The following FBXO15 variants were observed in gnomAD, a reference collection of about 807,000 sequenced individuals.
FBXO15 encodes the protein F-box protein 15, also known as F-box only protein 15.
FBXO15 carries 30 observed loss-of-function variants against 49.5 expected under a neutral mutation model. The ratio of observed to expected loss-of-function variants is 0.61; its 90% CI spans 0.45 to 0.82. FBXO15 has a LOEUF of 0.82. Ranked by LOEUF, FBXO15 falls within the 40% of genes least tolerant of loss-of-function variation. FBXO15 has a pLI of 0.00. For missense variants in FBXO15, 591 were observed against 631.5 expected, an observed-to-expected ratio of 0.94 and a Z score of 0.69; for synonymous variants, 250 against 232.7, an observed-to-expected ratio of 1.07 and a Z score of -0.68.
chr18:74,119,252 C>G (rs1207727759), intron 8 of FBXO15, among the ~76,000 whole-genome samples: 2 of 152,216 alleles, frequency 1.3e-5, no homozygotes, highest in African/African-American at 4.8e-5. Context: ...GGCTGAGAAT[C>G]CTTTAGCTAA....
intron 8 of FBXO15, among the ~76,000 whole-genome samples, chr18:74,102,698 C>A (rs909754978): frequency 4.7e-4 from 71 of 152,124 alleles, no homozygotes; most frequent in Non-Finnish European, 1.3e-4. Flanking sequence ...AAATGTGGAA[C>A]CCACACAAAT....
At position 74,130,792 on chromosome 18, in the gene FBXO15, A is replaced by T. The variant is rs1024658063; in HGVS notation, c.333-134T>A. ...AGCCAAGCTGAATATTTACAGTTGA[A>T]CGTTCATCTGTTAAAGTGAATTGCA... On this transcript the variant is annotated intron_variant, in intron 3 of 9. Transcript: ENST00000419743. 5 of 965,980 alleles carry T rather than the reference A, an allele frequency of 5.2e-6. No homozygotes were observed. The East Asian group carries it at 1.1e-4, about 21-fold the overall frequency. 59.8% of individuals were successfully genotyped at this position (965,980 alleles called of 1,614,324 possible).
chr18:74,105,881 A>C (rs898934383), intron 8 of FBXO15, among the ~76,000 whole-genome samples: 2 of 152,244 alleles, frequency 1.3e-5, no homozygotes, highest in Non-Finnish European at 2.9e-5. Flanking sequence ...ATACAGATTT[A>C]ATATGAATCT....
At chr18:74,084,006 C>G (rs935200449) in intron 8 of FBXO15, among the ~76,000 whole-genome samples, 1 of 152,200 alleles carries the variant, frequency 6.6e-6, no homozygotes, top group African/African-American at 2.4e-5. Flanking sequence ...CAGTAACTCG[C>G]CCAAGGTCAG....
intron 8 of FBXO15, among the ~76,000 whole-genome samples, chr18:74,096,381 T>C (rs902753790): frequency 6.6e-6 from 1 of 151,848 alleles, no homozygotes; most frequent in Non-Finnish European, 1.5e-5. Flanking sequence ...CAGGATATAC[T>C]CTTTGGGGCC....
At chr18:74,120,603 T>C (rs1009761693) in intron 8 of FBXO15, among the ~76,000 whole-genome samples, 20 of 152,274 alleles carry the variant, frequency 1.3e-4, no homozygotes, top group African/African-American at 4.8e-4. Context: ...AAAAGGAAAT[T>C]AGAAAGTATT....
rs111228453 is a variant in FBXO15, at chr18:74,074,264, C to T, written c.1264-534G>A. ...CTGACATGTGCCAGCCTCCTGTCCA[C>T]CCACTCTCATTTCCAGGACTCTGGC... On this transcript the variant is annotated intron_variant, in intron 9 of 9. Coordinates refer to ENST00000419743, the MANE Select transcript of FBXO15 (RefSeq NM_001142958.2). This position sits in a 1 kb window ranked among gnomAD's most constrained non-coding sequence, Gnocchi z 4.7. Among the ~76,000 whole-genome samples, 3,299 of 152,300 alleles carry T rather than the reference C, an allele frequency of 0.022. 48 individuals are homozygous for T. Among genetic ancestry groups the T allele is most frequent in the Non-Finnish European group, 0.034 (2,288 of 68,012 alleles).
At chr18:74,132,688 G>T (rs905274357) in intron 3 of FBXO15, among the ~76,000 whole-genome samples, 1 of 152,146 alleles carries the variant, frequency 6.6e-6, no homozygotes, top group African/African-American at 2.4e-5. Flanking sequence ...CTGTTAGAAG[G>T]CCTAGTCAGA....
intron 8 of FBXO15, among the ~76,000 whole-genome samples, chr18:74,092,551 G>A (rs1260580394): frequency 6.6e-6 from 1 of 152,038 alleles, no homozygotes; most frequent in Non-Finnish European, 1.5e-5. Flanking sequence ...ATAGCTGTAT[G>A]TTTTTGCTTT....
intron 9 of FBXO15, chr18:74,076,249 A>G (rs1487195925): frequency 6.6e-6 from 1 of 152,228 alleles, no homozygotes; most frequent in Non-Finnish European, 1.5e-5. Flanking sequence ...CCCTAGTCCA[A>G]GTGCTATGGT....
rs368177835 is a variant in FBXO15, at chr18:74,073,748, A to G, written c.1264-18T>C. 3.1e-6 allele frequency: 5 copies of G among 1,595,296 alleles called. No individual in the cohort carries two copies. The highest frequency in any genetic ancestry group is 4.3e-6 in the Non-Finnish European group (5 of 1,170,166). On this transcript the variant is annotated intron_variant, in intron 9 of 9. Transcript: ENST00000419743. ...GAACAACTCTGCAAAATAAACACAG[A>G]TTGACAAGGATAAAAAGGCCAATCA...
chr18:74,093,269 G>GC lies in FBXO15; in HGVS notation c.1139-11219_1139-11218insG, dbSNP rs942501539. Among the ~76,000 whole-genome samples, 55 of 149,592 alleles carry GC rather than the reference G, an allele frequency of 3.7e-4. 1 individual carries two copies. Among genetic ancestry groups the GC allele is most frequent in the South Asian group, 2.1e-4 (1 of 4,652 alleles). ...ACGTGTGCTGGCAAAACAATGGGGG[G>GC]GGGGTGGCTGCAGACAAGTACATGC... is the stretch of plus-strand genomic sequence containing the variant. On this transcript the variant is annotated intron_variant, in intron 8 of 9. Coordinates refer to ENST00000419743, the MANE Select transcript of FBXO15 (RefSeq NM_001142958.2).
chr18:74,127,918 C>A lies in FBXO15; in HGVS notation c.785+1487G>T, dbSNP rs539195179. On this transcript the variant is annotated intron_variant, in intron 5 of 9. Coordinates refer to ENST00000419743, the MANE Select transcript of FBXO15 (RefSeq NM_001142958.2). ...AGTTTGTCCTAATATCTGTAAGTAA[C>A]ATTTCATGATATGCCAAGTAACATA... is the stretch of plus-strand genomic sequence containing the variant. Among the ~76,000 whole-genome samples, 188 of 152,174 alleles carry A rather than the reference C, an allele frequency of 1.2e-3. 1 individual carries two copies. The highest frequency in any genetic ancestry group is 2.3e-3 in the Non-Finnish European group (155 of 68,034).
chr18:74,080,693 C>T (rs778227799), intron 9 of FBXO15, among the ~76,000 whole-genome samples: 4 of 152,218 alleles, frequency 2.6e-5, no homozygotes, highest in Non-Finnish European at 5.9e-5. Context: ...CATTATGTAG[C>T]TTAGTCTGCC....
chr18:74,145,072 C>G (rs906329312), intron 1 of FBXO15, among the ~76,000 whole-genome samples: 4 of 152,166 alleles, frequency 2.6e-5, no homozygotes, highest in Non-Finnish European at 5.9e-5. Flanking sequence ...CTGTTTGGTA[C>G]TAGTTATTTT....
chr18:74,084,004 C>T (rs561017560), intron 8 of FBXO15, among the ~76,000 whole-genome samples: 6 of 152,342 alleles, frequency 3.9e-5, no homozygotes, highest in Admixed American at 2.0e-4. Context: ...AACAGTAACT[C>T]GCCCAAGGTC....
At chr18:74,125,895 T>C in intron 6 of FBXO15, 80 bp downstream of exon 6, 1 of 1,549,206 alleles carries the variant, frequency 6.5e-7, no homozygotes, top group Non-Finnish European at 8.7e-7. Flanking sequence ...GATTTTACAT[T>C]TGAAGTCATA....
chr18:74,147,055 C>T (rs1468922703), intron 1 of FBXO15: 2 of 152,210 alleles, frequency 1.3e-5, no homozygotes, highest in African/African-American at 4.8e-5. Flanking sequence ...GCTGATACTT[C>T]TGATGCACTG....
At chr18:74,073,817 G>A (rs1912145339) in intron 9 of FBXO15, 87 bp from the exon 10 acceptor site, 2 of 1,476,892 alleles carry the variant, frequency 1.4e-6, no homozygotes, top group African/African-American at 1.4e-5. Context: ...AAACTCACTA[G>A]AAATGCTGCG....
Sources: allele counts gnomAD v4.1 joint callset (sites outside exome capture counted in the v4.1 genomes callset), GRCh38; gene constraint gnomAD v4.1.1; non-coding constraint Gnocchi (gnomAD v3.1); transcripts MANE v1.5; gene names NCBI Gene and HGNC (gene_info 2026-07-23, HGNC 2026-07-21).